The following CNIH1 variants were observed in gnomAD, a reference collection of about 807,000 sequenced individuals.
CNIH1 encodes the protein protein cornichon homolog 1.
In CNIH1, 12 loss-of-function variants were observed where a neutral mutation model predicts 20.2. The observed-to-expected ratio is 0.59, with a 90% CI of 0.38 to 0.96. The LOEUF (loss-of-function observed/expected upper bound fraction) is 0.96, where lower values mean the gene tolerates loss of function less well. Ranked by LOEUF, CNIH1 falls within the 40% of genes least tolerant of loss-of-function variation. The pLI is 0.00. For missense variants in CNIH1, 152 were observed against 178.8 expected (o/e 0.85, Z 0.85); for synonymous variants, 69 against 63.3 (o/e 1.09, Z -0.43).
intron 2 of CNIH1, among the ~76,000 whole-genome samples, chr14:54,435,637 A>G (rs1216200462): frequency 1.3e-5 from 2 of 152,168 alleles, no homozygotes; most frequent in Non-Finnish European, 2.9e-5. Flanking sequence ...TATCCACCTA[A>G]CAGGCTCTGA....
chr14:54,433,807 C>T (rs2030995886), intron 2 of CNIH1, among the ~76,000 whole-genome samples: 1 of 151,820 alleles, frequency 6.6e-6, no homozygotes, highest in Non-Finnish European at 1.5e-5. Context: ...GCATGAACCC[C>T]TCCCGCTCTT....
chr14:54,436,304 AT>A (rs2031053296), intron 2 of CNIH1, 64 bp downstream of exon 2: 1 of 961,582 alleles, frequency 1.0e-6, no homozygotes, highest in Non-Finnish European at 1.7e-6. Context: ...CCATTTTCAA[AT>A]TACTTCAAGT....
At chr14:54,436,860 GC>G (rs553141445) in intron 1 of CNIH1, 1 of 418,752 alleles carries the variant, frequency 2.4e-6, no homozygotes, top group Non-Finnish European at 4.6e-6. Context: ...AGAAGTAATT[GC>G]CCACATCTCC....
In CNIH1 at chr14:54,441,310, C is replaced by G. The variant is rs962806440; in HGVS notation, c.18G>C (p.Ala6=). 5.3e-6 allele frequency: 8 copies of G among 1,516,666 alleles called. No homozygotes were observed. The East Asian group carries it at 1.9e-4, about 36-fold the overall frequency. The allele number at this position is 1,516,666 out of a possible 1,614,324, so 94.0% of individuals were successfully genotyped here. MAFTF[A]AFCYMLALLL... is the part of the protein sequence containing the mutation. ...GCAGCGCCAGCATGTAGCAGAAGGCCGCGAACGTGAACGCCATGGCTGGGG... is the reference window on the plus strand; with the variant it reads ...GCAGCGCCAGCATGTAGCAGAAGGCGGCGAACGTGAACGCCATGGCTGGGG... The change falls in exon 1 of 5, where the codon GCG becomes GCC. Residue 6 remains alanine, a synonymous_variant. Transcript: ENST00000216416.
chr14:54,432,384 C>A (rs1323112030), intron 2 of CNIH1, among the ~76,000 whole-genome samples, 164 bp from the exon 3 acceptor site: 1 of 152,150 alleles, frequency 6.6e-6, no homozygotes, highest in Non-Finnish European at 1.5e-5. Context: ...TAACTTTTTA[C>A]CAAAAGTAGG....
intron 1 of CNIH1, among the ~76,000 whole-genome samples, chr14:54,440,813 T>G (rs982245713): frequency 2.0e-4 from 30 of 152,206 alleles, no homozygotes; most frequent in African/African-American, 5.8e-4. Context: ...TGGCCACAGT[T>G]CTGTGGAAAC....
At chr14:54,441,198 G>A (rs1012589301) in intron 1 of CNIH1, 49 bp downstream of exon 1, 50 of 1,463,250 alleles carry the variant, frequency 3.4e-5, no homozygotes, top group Non-Finnish European at 4.5e-5. Flanking sequence ...GGGGCGAAAA[G>A]AGGCTGTGTT....
intron 1 of CNIH1, among the ~76,000 whole-genome samples, chr14:54,437,716 C>G (rs1346491095): frequency 2.0e-5 from 3 of 151,796 alleles, no homozygotes; most frequent in African/African-American, 4.8e-5. Context: ...GGGGATTTCC[C>G]TTGGCTAATG....
In CNIH1 at chr14:54,430,273, TA is replaced by T; in HGVS notation, c.394del (p.Tyr132ThrfsTer6). ...CTTTTCAACTTACCCATATAGGTAG[TA>T]AAAAAATGCTAGAAGATAAAAAGCT... ...KLAFYLLAFFYYLYGMIYVLV... is the reference protein window; with the variant it reads ...KLAFYLLAFFXYLYGMIYVLV... On this transcript the variant is annotated frameshift_variant, in exon 4 of 5. Transcript: ENST00000216416. LOFTEE classifies it high-confidence loss of function. The T allele has an allele frequency of 6.2e-7, 1 of 1,613,998 alleles. No individual in the cohort carries two copies. Among genetic ancestry groups the T allele is most frequent in the Non-Finnish European group, 8.5e-7 (1 of 1,179,886 alleles).
chr14:54,436,582 T>C (rs1405414221), intron 1 of CNIH1, 145 bp from the exon 2 acceptor site: 16 of 610,054 alleles, frequency 2.6e-5, no homozygotes, highest in Non-Finnish European at 4.4e-5. Context: ...AGTAAACTCA[T>C]ATATGACAAA....
At position 54,424,402 on chromosome 14, in the gene CNIH1, A is replaced by C. The variant is rs1247977601; in HGVS notation, c.*3412T>G. 6.6e-6 allele frequency: 1 copy of C among 152,178 alleles called. No homozygotes were observed. The highest frequency in any genetic ancestry group is 1.5e-5 in the Non-Finnish European group (1 of 68,040). The allele number at this position is 152,178 out of a possible 1,614,324, so 9.4% of individuals were successfully genotyped here. ...ACATTTATGGATGTTAAATGACATA[A>C]ATAAGTAAACTAGACACATACTTTT... On this transcript the variant is annotated 3_prime_UTR_variant, in exon 5 of 5. Transcript: ENST00000216416.
rs1162337536 is a variant in CNIH1, at chr14:54,426,459, CCTCTT to C, written c.*1350_*1354del. 6.6e-6 allele frequency: 1 copy of C among 152,150 alleles called. No homozygotes were observed. Among genetic ancestry groups the C allele is most frequent in the South Asian group, 2.1e-4 (1 of 4,830 alleles). 9.4% of individuals were successfully genotyped at this position (152,150 alleles called of 1,614,324 possible). On this transcript the variant is annotated 3_prime_UTR_variant, in exon 5 of 5. Transcript: ENST00000216416. ...ATATATTGGTTCTCTTTCTTTTGAT[CCTCTT>C]CTCAAGAAACTTCCAAACCACTTAT...
rs2030807847 is a variant in CNIH1, at chr14:54,425,419, G to A, written c.*2395C>T. On this transcript the variant is annotated 3_prime_UTR_variant, in exon 5 of 5. Coordinates refer to ENST00000216416, the MANE Select transcript of CNIH1 (RefSeq NM_005776.3). ...AAGAGTACCTAAATGAACAGCTGTT[G>A]CTGCACAGGGAATGTTTAACGTAAA... The A allele has an allele frequency of 6.6e-6, 1 of 151,996 alleles. No individual in the cohort carries two copies. Among genetic ancestry groups the A allele is most frequent in the Admixed American group, 6.6e-5 (1 of 15,252 alleles). 9.4% of individuals were successfully genotyped at this position (151,996 alleles called of 1,614,324 possible).
chr14:54,439,263 G>A (rs554259807), intron 1 of CNIH1, among the ~76,000 whole-genome samples: 3 of 152,066 alleles, frequency 2.0e-5, no homozygotes, highest in East Asian at 3.9e-4. Context: ...AAGCATAAAA[G>A]CTCTCCACGA....
chr14:54,436,114 C>T, intron 2 of CNIH1: 1 of 702,678 alleles, frequency 1.4e-6, no homozygotes, highest in East Asian at 2.7e-5. Context: ...ATCTTTTTGA[C>T]CTTTTCAACT....
intron 2 of CNIH1, chr14:54,436,112 G>T (rs765387120): frequency 2.7e-5 from 19 of 702,382 alleles, no homozygotes; most frequent in Admixed American, 2.0e-5. Flanking sequence ...TAATCTTTTT[G>T]ACCTTTTCAA....
chr14:54,439,965 G>T (rs866668312), intron 1 of CNIH1, among the ~76,000 whole-genome samples: 1 of 152,158 alleles, frequency 6.6e-6, no homozygotes, highest in African/African-American at 2.4e-5. Flanking sequence ...TCAAATTACT[G>T]CTCCTACTGA....
At chr14:54,439,478 A>C (rs1039267095) in intron 1 of CNIH1, among the ~76,000 whole-genome samples, 1 of 152,076 alleles carries the variant, frequency 6.6e-6, no homozygotes, top group Non-Finnish European at 1.5e-5. Context: ...TCCCAGAAAA[A>C]AGGAATACCC....
intron 1 of CNIH1, among the ~76,000 whole-genome samples, chr14:54,439,469 C>T (rs2031123306): frequency 6.6e-6 from 1 of 151,948 alleles, no homozygotes; most frequent in Admixed American, 6.6e-5. Context: ...TCCCCATCAT[C>T]CCAGAAAAAA....
Sources: gnomAD v4.1 joint callset for allele counts (sites outside exome capture counted in the v4.1 genomes callset) on GRCh38, gnomAD v4.1.1 for gene constraint, MANE v1.5 for transcripts, NCBI Gene and HGNC (gene_info 2026-07-23, HGNC 2026-07-21) for gene names.